SLC38A8: variants seen among roughly 807,000 people sequenced by gnomAD.
The protein encoded by SLC38A8 is solute carrier family 38 member 8, also known as amino acid transporter SLC38A8.
Under a neutral mutation model 46.0 loss-of-function variants are expected in SLC38A8, and 65 were observed. That is an observed-to-expected ratio of 1.41 (90% CI 1.16 to 1.74). SLC38A8 has a LOEUF of 1.74. SLC38A8 is among the 40% of genes most tolerant of loss of function. The pLI is 0.00. For synonymous variants in SLC38A8, 447 were observed against 243.7 expected (o/e 1.83, Z -7.77); for missense variants, 998 against 567.9 (o/e 1.76, Z -7.70).
rs146922664 is a variant in SLC38A8, at chr16:84,022,875, G to A, written c.705C>T (p.Ala235=). 317 of 1,605,176 alleles carry A rather than the reference G, an allele frequency of 2.0e-4. 2 individuals carry two copies. The South Asian group carries it at 2.5e-3, about 12-fold the overall frequency. The change falls in exon 7 of 11, where the codon GCC becomes GCT. Residue 235 remains alanine, a synonymous_variant. Coordinates refer to ENST00000299709, the MANE Select transcript of SLC38A8 (RefSeq NM_001080442.3). Reference sequence around the variant, plus strand: ...TGCGCATGCTGCAGTAGATGGAGACGGCAGCTTCGTGACACTGTAAGACAG... The same window carrying A: ...TGCGCATGCTGCAGTAGATGGAGACAGCAGCTTCGTGACACTGTAAGACAG... ...ICFGFQCHEA[A]VSIYCSMRKR... is the part of the protein sequence containing the mutation.
intron 6 of SLC38A8, among the ~76,000 whole-genome samples, chr16:84,028,776 A>G (rs1474648925): frequency 6.9e-6 from 1 of 145,808 alleles, no homozygotes; most frequent in Admixed American, 7.0e-5. Context: ...GCCCGCTCAC[A>G]TCGGTGACCC....
intron 2 of SLC38A8, among the ~76,000 whole-genome samples, chr16:84,037,388 C>G (rs2085312773): frequency 7.0e-6 from 1 of 143,404 alleles, no homozygotes; most frequent in Non-Finnish European, 1.5e-5. Flanking sequence ...GGCACCGCCC[C>G]CTTGCAGGGG....
rs1480236986 is a variant in SLC38A8, at chr16:84,016,631, C to A, written c.1050G>T (p.Leu350=). The A allele has an allele frequency of 6.2e-7, 1 of 1,613,794 alleles. No homozygotes were observed. Among genetic ancestry groups the A allele is most frequent in the Non-Finnish European group, 8.5e-7 (1 of 1,180,052 alleles). The change falls in exon 9 of 11, where the codon CTG becomes CTT. Residue 350 remains leucine, a synonymous_variant. Transcript: ENST00000299709. ...DPSGLWVRMP[L]TILWVTVTLA... Reference sequence around the variant, plus strand: ...GCGTCACGGTGACCCACAGGATGGTCAGCGGCATCCGGACCCACAGCCCTG... The same window carrying A: ...GCGTCACGGTGACCCACAGGATGGTAAGCGGCATCCGGACCCACAGCCCTG...
chr16:84,016,616 G>A lies in SLC38A8; in HGVS notation c.1065C>T (p.Val355=), dbSNP rs1351025995. ...ACAGCGCCATGGCGAGCGTCACGGT[G>A]ACCCACAGGATGGTCAGCGGCATCC... The part of the protein sequence containing the change: ...WVRMPLTILW[V]TVTLAMALFM... The change falls in exon 9 of 11, where the codon GTC becomes GTT. Residue 355 remains valine, a synonymous_variant. Transcript: ENST00000299709. 3.7e-6 allele frequency: 6 copies of A among 1,613,832 alleles called. 1 individual carries two copies. The South Asian group carries it at 5.5e-5, about 15-fold the overall frequency.
chr16:84,032,118 C>A (rs1011275252), intron 4 of SLC38A8, 150 bp from the exon 5 acceptor site: 49 of 649,856 alleles, frequency 7.5e-5, no homozygotes, highest in African/African-American at 7.2e-4. Flanking sequence ...CTCATCTGTA[C>A]AGGGGGCATG....
chr16:84,023,841 C>T (rs866087246), intron 6 of SLC38A8, among the ~76,000 whole-genome samples: 3 of 152,184 alleles, frequency 2.0e-5, no homozygotes, highest in Non-Finnish European at 4.4e-5. Flanking sequence ...TTGCAGTGAG[C>T]CAAGATCGTG....
intron 7 of SLC38A8, among the ~76,000 whole-genome samples, chr16:84,021,364 C>T (rs903782694): frequency 2.0e-5 from 3 of 152,196 alleles, no homozygotes; most frequent in South Asian, 4.1e-4. Context: ...GGCACCCGGC[C>T]AGTTCATCCC....
intron 2 of SLC38A8, among the ~76,000 whole-genome samples, chr16:84,038,689 C>T (rs2085330564): frequency 1.3e-5 from 2 of 152,186 alleles, no homozygotes; most frequent in African/African-American, 4.8e-5. Context: ...CGGAACATCG[C>T]CACACCCCGG....
At chr16:84,030,420 C>T (rs1443932280) in intron 5 of SLC38A8, among the ~76,000 whole-genome samples, 1 of 152,020 alleles carries the variant, frequency 6.6e-6, no homozygotes, top group Non-Finnish European at 1.5e-5. Flanking sequence ...TCAGCACTCA[C>T]AGCCTTCAAT....
At chr16:84,023,388 C>T (rs901256582) in intron 6 of SLC38A8, among the ~76,000 whole-genome samples, 1 of 152,282 alleles carries the variant, frequency 6.6e-6, no homozygotes. Context: ...CACCCCTCTG[C>T]ACAAAAGTAA....
In SLC38A8 at chr16:84,033,375, G is replaced by A. The variant is rs201299612; in HGVS notation, c.483C>T (p.Ile161=). The A allele has an allele frequency of 2.5e-6, 4 of 1,614,066 alleles. No individual in the cohort carries two copies. The highest frequency in any genetic ancestry group is 3.4e-6 in the Non-Finnish European group (4 of 1,179,970). Residue 161 remains isoleucine, a synonymous_variant, in exon 4 of 11, where the codon ATC becomes ATT. Transcript: ENST00000299709. Reference sequence around the variant, plus strand: ...TCTCCCGCGGGGCAGACAGGGGCAGGATGACCAGCACGGAGAGCAGGGGCA... The same window carrying A: ...TCTCCCGCGGGGCAGACAGGGGCAGAATGACCAGCACGGAGAGCAGGGGCA... ...FTLPLLSVLV[I]LPLSAPREIA... is the part of the protein sequence containing the mutation.
chr16:84,036,662 C>G lies in SLC38A8; in HGVS notation c.388+40G>C, dbSNP rs373876708. 9 of 1,609,146 alleles carry G rather than the reference C, an allele frequency of 5.6e-6. No individual in the cohort carries two copies. The Admixed American group carries it at 1.0e-4, about 18-fold the overall frequency. On this transcript the variant is annotated intron_variant, in intron 3 of 10. Transcript: ENST00000299709. Reference sequence around the variant, plus strand: ...AAACTCCAAGAGGTCATTAGAGGTCCGGCACCCTGGGCCACCCCGAGTCCC... The same window carrying G: ...AAACTCCAAGAGGTCATTAGAGGTCGGGCACCCTGGGCCACCCCGAGTCCC...
rs143738578 is a variant in SLC38A8 at position 84,037,566 on chromosome 16, G to C, written c.190-666C>G. Among the ~76,000 whole-genome samples the C allele has an allele frequency of 1.4e-4, 21 of 152,222 alleles. No homozygotes were observed. The East Asian group carries it at 3.7e-3, about 27-fold the overall frequency. On this transcript the variant is annotated intron_variant, in intron 2 of 10. Transcript: ENST00000299709. ...ACCTGAGGTCAGGAGTTTGAGACCA[G>C]CCTGGCCAACATGGAGAAACCCTGT...
At chr16:84,031,180 C>G (rs1321356613) in intron 5 of SLC38A8, among the ~76,000 whole-genome samples, 3 of 152,134 alleles carry the variant, frequency 2.0e-5, no homozygotes, top group Non-Finnish European at 4.4e-5. Context: ...GCTGGGATTA[C>G]AGATGCCCAC....
intron 7 of SLC38A8, among the ~76,000 whole-genome samples, chr16:84,021,125 C>T (rs960917871): frequency 2.0e-5 from 3 of 152,096 alleles, no homozygotes; most frequent in Non-Finnish European, 4.4e-5. Flanking sequence ...TGCAATGGTG[C>T]GATCTCAGCT....
chr16:84,009,753 G>A lies in SLC38A8; in HGVS notation c.*31C>T, dbSNP rs777871306. 8.8e-6 allele frequency: 14 copies of A among 1,599,440 alleles called. No homozygotes were observed. The highest frequency in any genetic ancestry group is 2.2e-5 in the East Asian group (1 of 44,738). On this transcript the variant is annotated 3_prime_UTR_variant, in exon 11 of 11. Coordinates refer to ENST00000299709, the MANE Select transcript of SLC38A8 (RefSeq NM_001080442.3). The stretch of plus-strand genomic sequence containing the variant: ...CAGCCACGTAGGGTCAGCCCCCGGA[G>A]GGCCCCTTCCTGCCCGGCACTAGCT...
chr16:84,017,061 C>G, intron 8 of SLC38A8, 79 bp downstream of exon 8: 4 of 1,567,284 alleles, frequency 2.6e-6, no homozygotes, highest in East Asian at 2.3e-5. Context: ...GCCGCGTAGC[C>G]CACACCTGGT....
At chr16:84,017,092 C>A in intron 8 of SLC38A8, 48 bp downstream of exon 8, 1 of 1,608,594 alleles carries the variant, frequency 6.2e-7, no homozygotes, top group Non-Finnish European at 8.5e-7. Context: ...TCACAGCACA[C>A]ATCAGCAGAC....
chr16:84,014,671 C>A (rs2085003942), intron 9 of SLC38A8, among the ~76,000 whole-genome samples: 2 of 152,236 alleles, frequency 1.3e-5, no homozygotes, highest in South Asian at 4.1e-4. Context: ...CCCTTCACTT[C>A]ACTTCCCCAG....
Sources: allele counts gnomAD v4.1 joint callset (sites outside exome capture counted in the v4.1 genomes callset), GRCh38; gene constraint gnomAD v4.1.1; transcripts MANE v1.5; gene names NCBI Gene and HGNC (gene_info 2026-07-23, HGNC 2026-07-21).